Variants in ATP8A2 observed in about 807,000 individuals in gnomAD.
The protein encoded by ATP8A2 is phospholipid-transporting ATPase IB.
In ATP8A2, 100 loss-of-function variants were observed where a neutral mutation model predicts 165.6. The ratio of observed to expected loss-of-function variants is 0.60; its 90% confidence interval spans 0.51 to 0.71. ATP8A2 has a LOEUF of 0.71. Ranked by LOEUF, ATP8A2 falls within the 30% of genes least tolerant of loss-of-function variation. The pLI is 0.00. For missense variants in ATP8A2, 1,227 were observed against 1,479.5 expected (o/e 0.83, Z 2.80); for synonymous variants, 543 against 548.8 (o/e 0.99, Z 0.15).
At chr13:25,752,198 C>A (rs1200273484) in intron 25 of ATP8A2, among the ~76,000 whole-genome samples, 2 of 152,050 alleles carry the variant, frequency 1.3e-5, no homozygotes, top group Non-Finnish European at 2.9e-5. Flanking sequence ...CAGTGGCTCA[C>A]GCCTGTAATC....
intron 2 of ATP8A2, among the ~76,000 whole-genome samples, chr13:25,490,797 G>A (rs972144336): frequency 2.0e-5 from 3 of 151,024 alleles, no homozygotes; most frequent in Non-Finnish European, 4.4e-5. Context: ...CTTACTCTGT[G>A]GGCCAGGCTG....
chr13:25,921,804 T>G (rs751323309), intron 33 of ATP8A2, among the ~76,000 whole-genome samples: 23 of 152,218 alleles, frequency 1.5e-4, no homozygotes, highest in Non-Finnish European at 3.4e-4. Flanking sequence ...AAGTATAGTT[T>G]ATGGTATTTA....
intron 33 of ATP8A2, among the ~76,000 whole-genome samples, chr13:25,919,118 A>G (rs1954360380): frequency 6.6e-6 from 1 of 152,194 alleles, no homozygotes; most frequent in Admixed American, 6.5e-5. Context: ...AGGAATGTAT[A>G]TTTTTCCAGA....
At chr13:25,682,884 G>A (rs2042522879) in intron 24 of ATP8A2, among the ~76,000 whole-genome samples, 1 of 152,150 alleles carries the variant, frequency 6.6e-6, no homozygotes, top group Admixed American at 6.5e-5. Context: ...CTTCTGGCTG[G>A]TTTCACATAC....
At chr13:25,511,867 C>T (rs1037994749) in intron 2 of ATP8A2, among the ~76,000 whole-genome samples, 20 of 150,556 alleles carry the variant, frequency 1.3e-4, no homozygotes, top group African/African-American at 4.6e-4. Flanking sequence ...TTAATATTAT[C>T]TTTCTCTGGT....
At chr13:25,482,911 T>G (rs563931183) in intron 2 of ATP8A2, among the ~76,000 whole-genome samples, 86 of 152,310 alleles carry the variant, frequency 5.6e-4, no homozygotes, top group Non-Finnish European at 1.0e-3. Flanking sequence ...CTCTTTCTTT[T>G]GTAAATTGCC....
chr13:25,922,207 AT>A (rs1470664613), intron 33 of ATP8A2, among the ~76,000 whole-genome samples: 3 of 152,204 alleles, frequency 2.0e-5, no homozygotes, highest in Non-Finnish European at 4.4e-5. Flanking sequence ...ATTTCAAAAA[AT>A]CTCTGTGGTC....
chr13:25,802,869 C>T (rs1378032757), intron 27 of ATP8A2, among the ~76,000 whole-genome samples: 1 of 151,760 alleles, frequency 6.6e-6, no homozygotes, highest in Non-Finnish European at 1.5e-5. Flanking sequence ...TAAACTGTTA[C>T]ATAAAATGAT....
chr13:25,676,691 A>T (rs567160874), intron 24 of ATP8A2, among the ~76,000 whole-genome samples: 16 of 151,752 alleles, frequency 1.1e-4, no homozygotes, highest in Non-Finnish European at 1.6e-4. Flanking sequence ...TTTAAAAAAA[A>T]TTTTTATATA....
intron 8 of ATP8A2, among the ~76,000 whole-genome samples, chr13:25,541,004 G>T (rs1367987804): frequency 2.0e-5 from 3 of 151,732 alleles, no homozygotes; most frequent in Non-Finnish European, 4.4e-5. Context: ...TGGGACTACA[G>T]GTGCATGCTA....
intron 33 of ATP8A2, among the ~76,000 whole-genome samples, chr13:25,959,087 AG>A (rs1213990083): frequency 6.6e-6 from 1 of 152,158 alleles, no homozygotes; most frequent in African/African-American, 2.4e-5. Flanking sequence ...GCACCACCTC[AG>A]GCATCTGTAG....
Position 25,774,853 on chromosome 13 carries a change from C to T in ATP8A2, c.2573C>T (p.Ser858Phe), listed in dbSNP as rs2044705967. Reference protein sequence around the residue: ...NNSDYAIAQFSYLEKLLLVHG... With the variant: ...NNSDYAIAQFFYLEKLLLVHG... The stretch of plus-strand genomic sequence containing the variant: ...TTTGTAATTTTCCTTTTTCAGTTTT[C>T]CTACTTAGAGAAGCTTCTGTTGGTT... The change falls in exon 27 of 37, where the codon TCC becomes TTC. Residue 858 changes from serine to phenylalanine, a missense_variant. Coordinates refer to ENST00000381655, the MANE Select transcript of ATP8A2 (RefSeq NM_016529.6). The T allele has an allele frequency of 1.2e-6, 2 of 1,605,416 alleles. No homozygotes were observed. The highest frequency in any genetic ancestry group is 8.5e-7 in the Non-Finnish European group (1 of 1,173,414).
rs534796285 is a variant in ATP8A2 at position 25,890,161 on chromosome 13, C to CA, written c.3183+27761dup. Among the ~76,000 whole-genome samples the CA allele has an allele frequency of 7.7e-3, 1,167 of 150,684 alleles. 20 individuals carry two copies. Among genetic ancestry groups the CA allele is most frequent in the African/African-American group, 0.027 (1,122 of 40,990 alleles). ...TGGGTGACGGCGCGAGACTCTGTCT[C>CA]AAAAAAAAGAAAAGAAAAAAAATTT... On this transcript the variant is annotated intron_variant, in intron 33 of 36. Coordinates refer to ENST00000381655, the MANE Select transcript of ATP8A2 (RefSeq NM_016529.6).
intron 1 of ATP8A2, among the ~76,000 whole-genome samples, chr13:25,417,443 G>A (rs2034164655): frequency 1.2e-5 from 1 of 83,976 alleles, no homozygotes; most frequent in Non-Finnish European, 2.6e-5. Context: ...ATCCATAGAT[G>A]AGATAGTTGT....
intron 24 of ATP8A2, among the ~76,000 whole-genome samples, chr13:25,617,571 G>A (rs1412604086): frequency 2.0e-5 from 3 of 152,048 alleles, no homozygotes; most frequent in Non-Finnish European, 4.4e-5. Flanking sequence ...TTTTAAGTTC[G>A]GTACAGAAAC....
rs1405092989 is a variant in ATP8A2 at position 25,484,197 on chromosome 13, A to G, written c.221+15076A>G. Among the ~76,000 whole-genome samples, 5 of 152,326 alleles carry G rather than the reference A, an allele frequency of 3.3e-5. No individual in the cohort carries two copies. In the East Asian group the frequency reaches 9.6e-4, roughly 29 times the overall value. Reference sequence around the variant, plus strand: ...TCGTGAAAGAACACAGTTGCATATAAATTCACATTAAATTCACTGACACCT... The same window carrying G: ...TCGTGAAAGAACACAGTTGCATATAGATTCACATTAAATTCACTGACACCT... On this transcript the variant is annotated intron_variant, in intron 2 of 36. Coordinates refer to ENST00000381655, the MANE Select transcript of ATP8A2 (RefSeq NM_016529.6).
At chr13:25,718,549 G>A (rs1426185685) in intron 25 of ATP8A2, among the ~76,000 whole-genome samples, 1 of 152,144 alleles carries the variant, frequency 6.6e-6, no homozygotes, top group Non-Finnish European at 1.5e-5. Context: ...GTCTAGAGAA[G>A]TATCCAGGGA....
At chr13:25,617,004 C>T (rs1193809848) in intron 24 of ATP8A2, among the ~76,000 whole-genome samples, 2 of 152,146 alleles carry the variant, frequency 1.3e-5, no homozygotes, top group Admixed American at 1.3e-4. Context: ...GAAATGATTT[C>T]ATAGAATAAA....
intron 35 of ATP8A2, among the ~76,000 whole-genome samples, chr13:25,988,124 G>A (rs1316729227): frequency 6.6e-6 from 1 of 152,242 alleles, no homozygotes; most frequent in African/African-American, 2.4e-5. Flanking sequence ...CCAGTTCATG[G>A]AGACTTGTCA....
Sources: gnomAD v4.1 joint callset for allele counts (sites outside exome capture counted in the v4.1 genomes callset) on GRCh38, gnomAD v4.1.1 for gene constraint, MANE v1.5 for transcripts, NCBI Gene and HGNC (gene_info 2026-07-23, HGNC 2026-07-21) for gene names.